Variants in USP32 observed in about 807,000 individuals in gnomAD.
USP32 encodes the protein ubiquitin specific peptidase 32.
USP32 carries 59 observed loss-of-function variants against 204.8 expected under a neutral mutation model. That is an observed-to-expected ratio of 0.29 (90% CI 0.23 to 0.36). The LOEUF (loss-of-function observed/expected upper bound fraction) is 0.36. Ranked by LOEUF, USP32 falls within the 10% of genes least tolerant of loss-of-function variation. The pLI is 1.00. For missense variants in USP32, 1,160 were observed against 1,946.4 expected (o/e 0.60, Z 7.60); for synonymous variants, 517 against 678.4 (o/e 0.76, Z 3.70).
chr17:60,222,953 A>T (rs555698324), intron 14 of USP32, among the ~76,000 whole-genome samples: 92 of 152,248 alleles, frequency 6.0e-4, no homozygotes, highest in African/African-American at 1.9e-3. Flanking sequence ...AAGTGCTAGG[A>T]TTACAGGCAT....
chr17:60,299,979 C>T (rs944554837), intron 3 of USP32, among the ~76,000 whole-genome samples: 39 of 152,160 alleles, frequency 2.6e-4, no homozygotes, highest in African/African-American at 9.4e-4. Context: ...TATGATTAAC[C>T]CTCATGACCT....
chr17:60,218,696 T>C (rs1351860121), intron 16 of USP32, among the ~76,000 whole-genome samples: 1 of 152,040 alleles, frequency 6.6e-6, no homozygotes, highest in Non-Finnish European at 1.5e-5. Flanking sequence ...CTCCACCTCC[T>C]GGGTTCAAGC....
intron 11 of USP32, among the ~76,000 whole-genome samples, chr17:60,244,029 G>GTTTTTTTTTTTTTTTTTTTTTTTT (rs34842511): frequency 7.0e-5 from 5 of 71,692 alleles, no homozygotes; most frequent in East Asian, 4.5e-4. Flanking sequence ...GCTGGATTGT[G>GTTTTTTTTTTTTTTTTTTTTTTTT]TTTTTTTTTT....
chr17:60,371,173 G>A lies in USP32; in HGVS notation c.58+20709C>T, dbSNP rs1049430796. ...AGAGGCAGAGGCAGGAGGATTGCTT[G>A]AGCCCAAGAGTTCCAAGGCTGCAGT... On this transcript the variant is annotated intron_variant, in intron 1 of 33. Transcript: ENST00000300896. 9.4e-5 allele frequency among the ~76,000 whole-genome samples: 14 copies of A among 149,594 alleles called. 1 individual carries two copies. The highest frequency in any genetic ancestry group is 3.5e-4 in the African/African-American group (14 of 40,482).
At chr17:60,289,747 T>A (rs1039259390) in intron 4 of USP32, among the ~76,000 whole-genome samples, 5 of 151,972 alleles carry the variant, frequency 3.3e-5, no homozygotes, top group Admixed American at 3.3e-4. Flanking sequence ...GGAAATACAA[T>A]GAAGCTACAA....
At chr17:60,344,057 G>A (rs2088723494) in intron 2 of USP32, among the ~76,000 whole-genome samples, 1 of 149,476 alleles carries the variant, frequency 6.7e-6, no homozygotes. Context: ...AAAATAAAAA[G>A]AAATAGAAAC....
chr17:60,261,829 C>T (rs1263188607), intron 9 of USP32, among the ~76,000 whole-genome samples: 2 of 151,836 alleles, frequency 1.3e-5, no homozygotes, highest in African/African-American at 4.8e-5. Flanking sequence ...TTTATATAAC[C>T]ACAAATATTC....
At chr17:60,233,691 A>G (rs902820311) in intron 12 of USP32, among the ~76,000 whole-genome samples, 3 of 152,210 alleles carry the variant, frequency 2.0e-5, no homozygotes, top group African/African-American at 4.8e-5. Flanking sequence ...ACACTTTTCT[A>G]ATTAAAACAT....
At chr17:60,359,741 T>C (rs1374161178) in intron 1 of USP32, among the ~76,000 whole-genome samples, 1 of 152,126 alleles carries the variant, frequency 6.6e-6, no homozygotes, top group African/African-American at 2.4e-5. Flanking sequence ...AAGCCCAGGA[T>C]TGGAGACTGC....
chr17:60,369,572 A>C (rs532385568), intron 1 of USP32, among the ~76,000 whole-genome samples: 63 of 152,170 alleles, frequency 4.1e-4, no homozygotes, highest in Non-Finnish European at 8.4e-4. Flanking sequence ...GTAAAACTTC[A>C]GAAGTGAAAC....
chr17:60,247,192 T>TG lies in USP32; in HGVS notation c.1136+5188_1136+5189insC, dbSNP rs199497937. 9.5e-3 allele frequency among the ~76,000 whole-genome samples: 1,442 copies of TG among 152,234 alleles called. 33 individuals are homozygous for TG. The highest frequency in any genetic ancestry group is 0.033 in the African/African-American group (1,386 of 41,504). ...CTTTGAATCCATTTTCTTTTCTTTT[T>TG]TTTTTGAGGCGGAGTCTCCCTGTGT... On this transcript the variant is annotated intron_variant, in intron 11 of 33. Transcript: ENST00000300896.
rs2084843689 is a variant in USP32, at chr17:60,206,939, T to C, written c.3037+82A>G. ...TTCTTCTGCTATAATATCCTCAGCA[T>C]GAACAAATATAAAAAAGATGACAAC... is the stretch of plus-strand genomic sequence containing the variant. On this transcript the variant is annotated intron_variant, in intron 25 of 33. Coordinates refer to ENST00000300896, the MANE Select transcript of USP32 (RefSeq NM_032582.4). 44 of 1,531,332 alleles carry C rather than the reference T, an allele frequency of 2.9e-5. 1 individual carries two copies. In the South Asian group the frequency reaches 4.7e-4, roughly 16 times the overall value. 94.9% of individuals were successfully genotyped at this position (1,531,332 alleles called of 1,614,324 possible).
chr17:60,414,641 T>C (rs1407097809), intron 1 of USP32, among the ~76,000 whole-genome samples: 1 of 151,538 alleles, frequency 6.6e-6, no homozygotes, highest in South Asian at 2.1e-4. Flanking sequence ...GTTGGTCAGG[T>C]TGGCCTCGAA....
At chr17:60,367,258 T>C (rs2089336078) in intron 1 of USP32, among the ~76,000 whole-genome samples, 1 of 152,122 alleles carries the variant, frequency 6.6e-6, no homozygotes, top group South Asian at 2.1e-4. Context: ...CTGGTAACCC[T>C]ACGACTTTGG....
At chr17:60,267,532 T>C (rs1054649196) in intron 7 of USP32, among the ~76,000 whole-genome samples, 2 of 152,176 alleles carry the variant, frequency 1.3e-5, no homozygotes, top group Non-Finnish European at 2.9e-5. Flanking sequence ...AACTCTTTTT[T>C]TTTTCTTTTT....
chr17:60,273,014 G>C (rs1342798150), intron 5 of USP32, among the ~76,000 whole-genome samples: 2 of 152,302 alleles, frequency 1.3e-5, no homozygotes, highest in African/African-American at 4.8e-5. Flanking sequence ...TGTCGCCCAG[G>C]CTGGAGTGCA....
At chr17:60,328,237 C>T (rs2088293471) in intron 2 of USP32, among the ~76,000 whole-genome samples, 1 of 152,178 alleles carries the variant, frequency 6.6e-6, no homozygotes, top group Admixed American at 6.5e-5. Flanking sequence ...CCAGGATCAG[C>T]CAGAGCTGTA....
intron 1 of USP32, among the ~76,000 whole-genome samples, chr17:60,413,861 CAAAAAAA>C (rs1307789444): frequency 3.2e-5 from 1 of 31,698 alleles, no homozygotes; most frequent in Non-Finnish European, 6.2e-5. Flanking sequence ...GATTCTGTCT[CAAAAAAA>C]AAAAAAAGAA....
intron 27 of USP32, among the ~76,000 whole-genome samples, chr17:60,198,009 C>T (rs2084568459): frequency 1.3e-5 from 2 of 152,280 alleles, no homozygotes; most frequent in Middle Eastern, 6.8e-3. Context: ...GAAGCATTAG[C>T]AGGATGAATC....
Sources: gnomAD v4.1 joint callset for allele counts (sites outside exome capture counted in the v4.1 genomes callset) on GRCh38, gnomAD v4.1.1 for gene constraint, MANE v1.5 for transcripts, NCBI Gene and HGNC (gene_info 2026-07-23, HGNC 2026-07-21) for gene names.